RIN2: variants seen among roughly 807,000 people sequenced by gnomAD.
RIN2 encodes the protein RAB5 interacting protein 2.
Under a neutral mutation model 78.0 loss-of-function variants are expected in RIN2, and 36 were observed. The ratio of observed to expected loss-of-function variants is 0.46; its 90% confidence interval spans 0.35 to 0.61. The LOEUF is 0.61. RIN2 is among the 20% of genes least tolerant of loss of function. RIN2 has a pLI of 0.00. For synonymous variants in RIN2, 466 were observed against 466.8 expected, an observed-to-expected ratio of 1.00 and a Z score of 0.02; for missense variants, 1,087 against 1,159.7, an observed-to-expected ratio of 0.94 and a Z score of 0.91.
chr20:19,757,670 G>C (rs2033426558), upstream of RIN2: 1 of 152,422 alleles, frequency 6.6e-6, no homozygotes, highest in African/African-American at 2.4e-5. Flanking sequence ...CTCGAGTGGG[G>C]CCTTTCCAGC....
intron 2 of RIN2, among the ~76,000 whole-genome samples, chr20:19,806,695 G>T (rs932887777): frequency 6.6e-6 from 1 of 152,124 alleles, no homozygotes; most frequent in African/African-American, 2.4e-5. Context: ...ACAGAAGTTT[G>T]AGATCAGCCT....
chr20:19,841,437 G>A (rs1241109727), intron 2 of RIN2, among the ~76,000 whole-genome samples: 1 of 152,046 alleles, frequency 6.6e-6, no homozygotes, highest in East Asian at 1.9e-4. Flanking sequence ...GATTTTGCCA[G>A]CTTATGGAAT....
intron 3 of RIN2, among the ~76,000 whole-genome samples, chr20:19,929,639 G>A (rs6046461): frequency 6.6e-6 from 1 of 152,270 alleles, no homozygotes. Flanking sequence ...TGGGATTACA[G>A]GCATGAGCCA....
chr20:19,862,257 T>G (rs1020692541), intron 2 of RIN2, among the ~76,000 whole-genome samples: 2 of 152,170 alleles, frequency 1.3e-5, no homozygotes, highest in African/African-American at 4.8e-5. Flanking sequence ...CCCTCCACTC[T>G]TCTCCTTGGC....
intron 12 of RIN2, among the ~76,000 whole-genome samples, chr20:19,998,015 A>C (rs2043025385): frequency 6.7e-6 from 1 of 149,242 alleles, no homozygotes. Context: ...TCGCTCTGTC[A>C]CCCAGGCTGG....
At chr20:19,781,585 A>G (rs1452908764) in intron 1 of RIN2, among the ~76,000 whole-genome samples, 1 of 152,066 alleles carries the variant, frequency 6.6e-6, no homozygotes, top group Non-Finnish European at 1.5e-5. Context: ...CCACCACCAC[A>G]GCTGGCTAAT....
chr20:19,855,956 C>T (rs1357929173), intron 2 of RIN2, among the ~76,000 whole-genome samples: 1 of 152,138 alleles, frequency 6.6e-6, no homozygotes, highest in East Asian at 1.9e-4. Flanking sequence ...CACCTGTGAT[C>T]CCAGCTACTC....
intron 1 of RIN2, among the ~76,000 whole-genome samples, chr20:19,769,944 C>T (rs1228466572): frequency 6.6e-6 from 1 of 152,158 alleles, no homozygotes; most frequent in African/African-American, 2.4e-5. Context: ...AAGTAATCAA[C>T]CCCAAGAGCA....
chr20:19,878,662 T>C (rs1379112808), intron 2 of RIN2, among the ~76,000 whole-genome samples: 5 of 152,086 alleles, frequency 3.3e-5, no homozygotes, highest in African/African-American at 4.8e-5. Flanking sequence ...CCTCAGTCCC[T>C]GAAAATGCCA....
intron 2 of RIN2, among the ~76,000 whole-genome samples, chr20:19,851,178 G>T (rs1445911022): frequency 1.3e-5 from 2 of 152,194 alleles, no homozygotes. Flanking sequence ...GCTGGGTGCT[G>T]GGAACTGGGG....
At chr20:19,772,215 C>T (rs1257742077) in intron 1 of RIN2, among the ~76,000 whole-genome samples, 2 of 152,194 alleles carry the variant, frequency 1.3e-5, no homozygotes, top group Non-Finnish European at 2.9e-5. Flanking sequence ...AGAGAACCTT[C>T]TCTTGACTCC....
intron 4 of RIN2, among the ~76,000 whole-genome samples, 186 bp from the exon 5 acceptor site, chr20:19,956,429 G>A (rs764001198): frequency 1.3e-5 from 2 of 152,102 alleles, no homozygotes; most frequent in African/African-American, 4.8e-5. Context: ...TAGAGATAGA[G>A]GGTAAAATAA....
At chr20:19,774,441 G>A (rs1294159739) in intron 1 of RIN2, among the ~76,000 whole-genome samples, 1 of 152,182 alleles carries the variant, frequency 6.6e-6, no homozygotes, top group East Asian at 1.9e-4. Flanking sequence ...AGAAGAAGCG[G>A]GAAAAAGATC....
intron 2 of RIN2, among the ~76,000 whole-genome samples, chr20:19,805,476 A>G (rs1242682455): frequency 6.6e-6 from 1 of 152,092 alleles, no homozygotes; most frequent in African/African-American, 2.4e-5. Flanking sequence ...ATCTCGGCTC[A>G]CTGCAACCTC....
chr20:19,956,484 AT>A (rs760303877), intron 4 of RIN2, 130 bp from the exon 5 acceptor site: 9 of 734,894 alleles, frequency 1.2e-5, no homozygotes, highest in Non-Finnish European at 1.8e-5. Context: ...GGAAGAGAAG[AT>A]GATTAAGGGG....
At chr20:19,915,896 C>G (rs1012268178) in intron 3 of RIN2, among the ~76,000 whole-genome samples, 2 of 152,214 alleles carry the variant, frequency 1.3e-5, no homozygotes, top group Non-Finnish European at 2.9e-5. Flanking sequence ...CTATCCAATT[C>G]CTTTCACTGT....
chr20:19,864,808 A>G (rs776332488), intron 2 of RIN2, among the ~76,000 whole-genome samples: 2 of 152,198 alleles, frequency 1.3e-5, no homozygotes, highest in Non-Finnish European at 2.9e-5. Flanking sequence ...CCGTCAAACC[A>G]TCATCTTTGG....
At chr20:19,907,589 G>C (rs8122365) in intron 3 of RIN2, among the ~76,000 whole-genome samples, 1,971 of 152,336 alleles carry the variant, frequency 0.013, 33 homozygotes, top group African/African-American at 0.045. Context: ...AGAAGATACA[G>C]AGATGCAGGA....
At chr20:19,785,929 A>G (rs1009081658) in intron 1 of RIN2, among the ~76,000 whole-genome samples, 78 of 152,240 alleles carry the variant, frequency 5.1e-4, no homozygotes, top group African/African-American at 1.9e-3. Flanking sequence ...AAAGTAACAC[A>G]TGTGATAGTT....
Sources: gnomAD v4.1 joint callset for allele counts (sites outside exome capture counted in the v4.1 genomes callset) on GRCh38, gnomAD v4.1.1 for gene constraint, MANE v1.5 for transcripts, NCBI Gene and HGNC (gene_info 2026-07-23, HGNC 2026-07-21) for gene names.